Variants in CDK12 observed in about 807,000 individuals in gnomAD.
CDK12 encodes the protein cyclin dependent kinase 12.
CDK12 carries 17 observed loss-of-function variants against 133.8 expected under a neutral mutation model. That is an observed-to-expected ratio of 0.13 (90% CI 0.09 to 0.19). The LOEUF is 0.19. Ranked by LOEUF, CDK12 falls within the 10% of genes least tolerant of loss-of-function variation. The pLI, the probability that CDK12 is intolerant of heterozygous loss-of-function variation, is 1.00. For missense variants in CDK12, 1,508 were observed against 1,818.7 expected (o/e 0.83, Z 3.11); for synonymous variants, 694 against 683.6 (o/e 1.02, Z -0.24).
At chr17:39,556,454 G>A (rs1218219417) in intron 3 of CDK12, 3 of 152,394 alleles carry the variant, frequency 2.0e-5, no homozygotes, top group Non-Finnish European at 2.9e-5. Context: ...TGGAGTAGAG[G>A]GCAGCCATAG....
In CDK12 at chr17:39,495,560, G is replaced by A. The variant is rs561109312; in HGVS notation, c.2419+866G>A. 2.3e-4 allele frequency among the ~76,000 whole-genome samples: 35 copies of A among 151,972 alleles called. No individual in the cohort carries two copies. In the Middle Eastern group the frequency reaches 0.014, roughly 59 times the overall value. On this transcript the variant is annotated intron_variant, in intron 5 of 13. Transcript: ENST00000447079. ...TAATCCTGGCACTTTGGGAGGCCGA[G>A]GTGGGCAGATCACAAGGTCAGGAGA...
At chr17:39,518,715 T>C (rs908678843) in intron 10 of CDK12, among the ~76,000 whole-genome samples, 1 of 151,716 alleles carries the variant, frequency 6.6e-6, no homozygotes, top group Non-Finnish European at 1.5e-5. Context: ...CCCGCCACCA[T>C]GCACAGTTAA....
chr17:39,530,981 C>G lies in CDK12; in HGVS notation c.4138C>G (p.Leu1380Val), dbSNP rs2146840186. ...LVKNRTFSGS[L>V]SHLGESSSYQ... ...GAAGAACAGGACCTTCTCAGGCTCT[C>G]TGAGCCACCTTGGGGAGTCCAGCAG... The change falls in exon 14 of 14, where the codon CTG becomes GTG. Residue 1380 changes from leucine to valine, a missense_variant. By Grantham distance (32) the Leu-to-Val change is conservative (BLOSUM62 1). Around this residue, in one of 9 missense-constraint regions of CDK12, gnomAD observed 399 missense variants for 469.6 expected, o/e 0.85. Coordinates refer to ENST00000447079, the MANE Select transcript of CDK12 (RefSeq NM_016507.4). 1 of 1,614,240 alleles carries G rather than the reference C, an allele frequency of 6.2e-7. No individual in the cohort carries two copies. The highest frequency in any genetic ancestry group is 8.5e-7 in the Non-Finnish European group (1 of 1,180,040).
rs1462649581 is a variant in CDK12, at chr17:39,471,588, C to G, written c.1756C>G (p.Pro586Ala). Residue 586 changes from proline (P) to alanine (A), a missense_variant, in exon 2 of 14, where the codon CCT becomes GCT. This residue lies in a region of CDK12 where 347 missense variants were observed against 330.8 expected (regional missense o/e 1.05). Coordinates refer to ENST00000447079, the MANE Select transcript of CDK12 (RefSeq NM_016507.4). ...VPASSTSTLP[P>A]STHSKTSAVS... is the part of the protein sequence containing the mutation. The stretch of plus-strand genomic sequence containing the variant: ...TGCTTCCAGTACTTCAACTTTGCCC[C>G]CTTCTACTCACTCAAAGACATCTGC... 3.1e-6 allele frequency: 5 copies of G among 1,614,010 alleles called. No individual in the cohort carries two copies. Among genetic ancestry groups the G allele is most frequent in the Non-Finnish European group, 4.2e-6 (5 of 1,180,040 alleles).
intron 2 of CDK12, 144 bp from the exon 3 acceptor site, chr17:39,490,411 ATT>A (rs919669634): frequency 3.8e-6 from 2 of 532,106 alleles, no homozygotes; most frequent in Non-Finnish European, 6.7e-6. Context: ...GTGATTAATT[ATT>A]TTTTTTTATG....
intron 2 of CDK12, among the ~76,000 whole-genome samples, chr17:39,477,991 C>T (rs2050352006): frequency 6.6e-6 from 1 of 151,890 alleles, no homozygotes; most frequent in Non-Finnish European, 1.5e-5. Flanking sequence ...CAGGCATGAG[C>T]CACTGCACCG....
chr17:39,483,689 AATTT>A (rs71353589), intron 2 of CDK12, among the ~76,000 whole-genome samples: 8,749 of 148,878 alleles, frequency 0.059, 526 homozygotes, highest in African/African-American at 0.16. Context: ...AAACAGTTAC[AATTT>A]ATTTATTTAT....
chr17:39,544,047 A>G (rs2055552301), upstream of CDK12: 1 of 259,538 alleles, frequency 3.9e-6, no homozygotes, highest in Non-Finnish European at 8.1e-6. Flanking sequence ...GAATTTTAGA[A>G]CAGTTATGAC....
At chr17:39,562,562 CCTCT>C (rs2056410687) in intron 3 of CDK12, among the ~76,000 whole-genome samples, 2 of 152,060 alleles carry the variant, frequency 1.3e-5, no homozygotes, top group African/African-American at 4.8e-5. Flanking sequence ...TTTCTGTTTT[CCTCT>C]CTCTCTCAGC....
intron 3 of CDK12, among the ~76,000 whole-genome samples, chr17:39,560,689 T>C (rs760838132): frequency 1.4e-4 from 21 of 152,132 alleles, no homozygotes; most frequent in Non-Finnish European, 2.5e-4. Flanking sequence ...GTCACTCAGG[T>C]CCTCACAGCC....
chr17:39,468,177 G>A (rs539051319), intron 1 of CDK12, among the ~76,000 whole-genome samples: 1 of 152,142 alleles, frequency 6.6e-6, no homozygotes, highest in Non-Finnish European at 1.5e-5. Context: ...TTACAGGCGT[G>A]AGCCACCGCG....
chr17:39,492,369 T>A (rs1018585273), intron 3 of CDK12, among the ~76,000 whole-genome samples: 15 of 150,350 alleles, frequency 1.0e-4, no homozygotes, highest in African/African-American at 3.4e-4. Context: ...GTGCTGGGAT[T>A]ACAGGCATGA....
chr17:39,507,535 C>A (rs1240275012), intron 6 of CDK12, among the ~76,000 whole-genome samples: 1 of 150,748 alleles, frequency 6.6e-6, no homozygotes, highest in Non-Finnish European at 1.5e-5. Context: ...GCCTTGGCAA[C>A]AAGATTGAAG....
At chr17:39,512,266 C>T (rs542276434) in intron 8 of CDK12, among the ~76,000 whole-genome samples, 12 of 152,084 alleles carry the variant, frequency 7.9e-5, no homozygotes, top group Non-Finnish European at 1.5e-4. Flanking sequence ...ATCTTTTTTA[C>T]TTTTAGCAAA....
At chr17:39,494,269 C>T (rs1481112968) in intron 4 of CDK12, among the ~76,000 whole-genome samples, 1 of 152,076 alleles carries the variant, frequency 6.6e-6, no homozygotes, top group Non-Finnish European at 1.5e-5. Flanking sequence ...GACGGGGTTT[C>T]ACCACGTTGG....
At chr17:39,526,822 A>C (rs1044770924) in intron 13 of CDK12, among the ~76,000 whole-genome samples, 4 of 152,274 alleles carry the variant, frequency 2.6e-5, no homozygotes, top group African/African-American at 9.6e-5. Flanking sequence ...AATATTTCTA[A>C]GTAGATAATT....
Position 39,533,909 on chromosome 17 carries a change from T to A in CDK12, c.*2593T>A, listed in dbSNP as rs1485809941. On this transcript the variant is annotated 3_prime_UTR_variant, in exon 14 of 14. Coordinates refer to ENST00000447079, the MANE Select transcript of CDK12 (RefSeq NM_016507.4). The stretch of plus-strand genomic sequence containing the variant: ...TGATGGAAGTAAAGGTTTGGCAGAA[T>A]TTCACCTTGACTATTTGAAAATTAC... 1 of 232,122 alleles carries A rather than the reference T, an allele frequency of 4.3e-6. No individual in the cohort carries two copies. The highest frequency in any genetic ancestry group is 2.2e-5 in the African/African-American group (1 of 45,314). The allele number at this position is 232,122 out of a possible 1,614,324, so 14.4% of individuals were successfully genotyped here.
chr17:39,492,904 C>A lies in CDK12; in HGVS notation c.2248+14C>A. The A allele has an allele frequency of 6.3e-7, 1 of 1,586,504 alleles. No homozygotes were observed. The highest frequency in any genetic ancestry group is 8.5e-7 in the Non-Finnish European group (1 of 1,169,742). On this transcript the variant is annotated intron_variant, in intron 4 of 13. Transcript: ENST00000447079. ...ACAAAGACACAGGTAAATATTGCCA[C>A]AAAATTTTAGATGTCAGAATGTTAA...
chr17:39,542,190 CTTT>C (rs1172086295), intron 1 of CDK12, among the ~76,000 whole-genome samples: 1 of 145,318 alleles, frequency 6.9e-6, no homozygotes. Flanking sequence ...AAAGAATAAT[CTTT>C]TTTTTTTTTT....
Sources: gnomAD v4.1 joint callset for allele counts (sites outside exome capture counted in the v4.1 genomes callset) on GRCh38, gnomAD v4.1.1 for gene constraint, gnomAD v4.1.1 regional missense constraint, MANE v1.5 for transcripts, NCBI Gene and HGNC (gene_info 2026-07-23, HGNC 2026-07-21) for gene names.